ELOC: variants seen among roughly 807,000 people sequenced by gnomAD.
ELOC encodes elongin-C.
For missense variants in ELOC, 38 were observed against 139.0 expected, an observed-to-expected ratio of 0.27 and a Z score of 3.65; for synonymous variants, 40 against 51.3, an observed-to-expected ratio of 0.78 and a Z score of 0.94.
chr8:73,967,004 C>T (rs1318797580), intron 1 of ELOC, among the ~76,000 whole-genome samples: 28 of 152,104 alleles, frequency 1.8e-4, no homozygotes, highest in Admixed American at 6.5e-5. Flanking sequence ...GTTTCTTCAA[C>T]GGTAAAATGA....
At chr8:73,970,238 A>T (rs1254583980) in intron 1 of ELOC, among the ~76,000 whole-genome samples, 1 of 152,172 alleles carries the variant, frequency 6.6e-6, no homozygotes, top group East Asian at 1.9e-4. Context: ...ACAGAGTGAG[A>T]CTCTGACTCA....
chr8:73,946,912 G>A, intron 3 of ELOC, 92 bp from the exon 4 acceptor site: 1 of 1,067,606 alleles, frequency 9.4e-7, no homozygotes, highest in Non-Finnish European at 1.4e-6. Context: ...CACAGAATGT[G>A]GCTGTATTTA....
intron 2 of ELOC, among the ~76,000 whole-genome samples, chr8:73,957,348 T>C (rs1814262603): frequency 6.6e-6 from 1 of 152,186 alleles, no homozygotes. Flanking sequence ...TCAGTCACAG[T>C]AGCCAGATAT....
At chr8:73,949,148 C>T (rs1386723755) in intron 3 of ELOC, among the ~76,000 whole-genome samples, 2 of 152,156 alleles carry the variant, frequency 1.3e-5, no homozygotes, top group Non-Finnish European at 2.9e-5. Flanking sequence ...TACAAATATA[C>T]TTTGAGAATA....
At chr8:73,953,001 T>C (rs1453637801) in intron 3 of ELOC, among the ~76,000 whole-genome samples, 1 of 151,996 alleles carries the variant, frequency 6.6e-6, no homozygotes, top group Non-Finnish European at 1.5e-5. Context: ...ATTAAGGAAA[T>C]GCAAATCAAA....
At chr8:73,971,032 CAAAAAAAA>C (rs67188912) in intron 1 of ELOC, among the ~76,000 whole-genome samples, 4 of 62,036 alleles carry the variant, frequency 6.4e-5, no homozygotes, top group Admixed American at 2.1e-4. Context: ...GACTCCGTCT[CAAAAAAAA>C]AAAAAAAAAA....
chr8:73,948,411 T>C (rs1359551978), intron 3 of ELOC, among the ~76,000 whole-genome samples: 1 of 152,108 alleles, frequency 6.6e-6, no homozygotes, highest in Non-Finnish European at 1.5e-5. Flanking sequence ...TGAATTGCCA[T>C]GTAAAAATAA....
At chr8:73,970,412 G>A (rs1815274017) in intron 1 of ELOC, among the ~76,000 whole-genome samples, 1 of 152,094 alleles carries the variant, frequency 6.6e-6, no homozygotes, top group African/African-American at 2.4e-5. Flanking sequence ...GTAAACTAGT[G>A]CCTATTATAT....
chr8:73,961,795 A>T (rs1407763804), intron 1 of ELOC, among the ~76,000 whole-genome samples: 7 of 151,952 alleles, frequency 4.6e-5, no homozygotes, highest in South Asian at 4.1e-4. Flanking sequence ...CTAATTTGAG[A>T]TAAAGCAGAG....
intron 1 of ELOC, among the ~76,000 whole-genome samples, chr8:73,968,385 C>CTGCA (rs1326792639): frequency 1.3e-5 from 2 of 152,184 alleles, no homozygotes; most frequent in Non-Finnish European, 2.9e-5. Flanking sequence ...CTGCAGAGCG[C>CTGCA]TGCATGTTCT....
At chr8:73,963,072 T>C (rs558034691) in intron 1 of ELOC, among the ~76,000 whole-genome samples, 37 of 152,342 alleles carry the variant, frequency 2.4e-4, no homozygotes, top group Admixed American at 1.7e-3. Flanking sequence ...AGAATAGTTC[T>C]AGGCAGAAGA....
intron 3 of ELOC, among the ~76,000 whole-genome samples, chr8:73,952,019 A>T (rs1224712935): frequency 6.6e-6 from 1 of 152,226 alleles, no homozygotes; most frequent in Admixed American, 6.5e-5. Context: ...ACTTAAGACC[A>T]AAGACCTAAA....
Position 73,946,527 on chromosome 8 carries a change from T to G in ELOC, c.*103A>C. 1.1e-6 allele frequency: 1 copy of G among 886,004 alleles called. No homozygotes were observed. Among genetic ancestry groups the G allele is most frequent in the South Asian group, 2.4e-5 (1 of 42,320 alleles). 54.9% of individuals were successfully genotyped at this position (886,004 alleles called of 1,614,324 possible). On this transcript the variant is annotated 3_prime_UTR_variant, in exon 4 of 4. Transcript: ENST00000520242. ...CTGCTTTGCAATGAACTTTATATAG[T>G]TCAACTGCATACAGGCAACATGCTA...
At chr8:73,959,268 C>A (rs1814427330) in intron 2 of ELOC, among the ~76,000 whole-genome samples, 1 of 152,108 alleles carries the variant, frequency 6.6e-6, no homozygotes, top group Non-Finnish European at 1.5e-5. Flanking sequence ...CGCAGTCGTG[C>A]AATCATAGCT....
rs193207219 is a variant in ELOC at position 73,945,678 on chromosome 8, T to C, written c.*952A>G. ...ACATATTTTAATAGAAGATAATTCA[T>C]GTAGGATATCTTCAATGCATTATAA... On this transcript the variant is annotated 3_prime_UTR_variant, in exon 4 of 4. Coordinates refer to ENST00000520242, the MANE Select transcript of ELOC (RefSeq NM_005648.4). 4.6e-5 allele frequency: 7 copies of C among 152,364 alleles called. No individual in the cohort carries two copies. The highest frequency in any genetic ancestry group is 3.9e-4 in the Admixed American group (6 of 15,302). The allele number at this position is 152,364 out of a possible 1,614,324, so 9.4% of individuals were successfully genotyped here.
At chr8:73,965,938 T>C (rs775073898) in intron 1 of ELOC, among the ~76,000 whole-genome samples, 29 of 152,104 alleles carry the variant, frequency 1.9e-4, no homozygotes, top group Non-Finnish European at 3.7e-4. Context: ...TGAACAGTTA[T>C]AAAAGGAAAG....
In ELOC at chr8:73,945,855, A is replaced by T. The variant is rs150352806; in HGVS notation, c.*775T>A. The T allele has an allele frequency of 1.1e-3, 169 of 152,330 alleles. No individual in the cohort carries two copies. Among genetic ancestry groups the T allele is most frequent in the African/African-American group, 3.8e-3 (159 of 41,584 alleles). The allele number at this position is 152,330 out of a possible 1,614,324, so 9.4% of individuals were successfully genotyped here. A position where few individuals can be genotyped will look rare whatever the true frequency, so the allele number is the denominator to read the frequency against. On this transcript the variant is annotated 3_prime_UTR_variant, in exon 4 of 4. Coordinates refer to ENST00000520242, the MANE Select transcript of ELOC (RefSeq NM_005648.4). The stretch of plus-strand genomic sequence containing the variant: ...ATACATTTAAACAACTGGAAGTATA[A>T]TCACAACAAGGGACTATGAAGGAAG...
At chr8:73,950,456 TATAGACTGTATTTCA>T (rs1813679260) in intron 3 of ELOC, among the ~76,000 whole-genome samples, 1 of 152,246 alleles carries the variant, frequency 6.6e-6, no homozygotes, top group Non-Finnish European at 1.5e-5. Context: ...ATCTTTCCCA[TATAGACTGTATTTCA>T]ATGTAACCAA....
At position 73,955,719 on chromosome 8, in the gene ELOC, C is replaced by T. The variant is rs576841713; in HGVS notation, c.148+192G>A. 236 of 641,788 alleles carry T rather than the reference C, an allele frequency of 3.7e-4. 3 individuals are homozygous for T. The South Asian group carries it at 4.3e-3, about 12-fold the overall frequency. 39.8% of individuals were successfully genotyped at this position (641,788 alleles called of 1,614,324 possible). A position where few individuals can be genotyped will look rare whatever the true frequency, so the allele number is the denominator to read the frequency against. ...GGCGGAGATTGCAGTGAGCTGAGAC[C>T]GCACCATTGCACTCCAGCCTGGGCA... On this transcript the variant is annotated intron_variant, in intron 3 of 3. Coordinates refer to ENST00000520242, the MANE Select transcript of ELOC (RefSeq NM_005648.4).
Sources: gnomAD v4.1 joint callset for allele counts (sites outside exome capture counted in the v4.1 genomes callset) on GRCh38, gnomAD v4.1.1 for gene constraint, MANE v1.5 for transcripts, NCBI Gene and HGNC (gene_info 2026-07-23, HGNC 2026-07-21) for gene names.